The following MARVELD2 variants were observed in gnomAD, a reference collection of about 807,000 sequenced individuals.
The protein encoded by MARVELD2 is MARVEL domain-containing protein 2.
A neutral mutation model predicts 57.6 loss-of-function variants in MARVELD2; 49 were observed. The ratio of observed to expected loss-of-function variants is 0.85; its 90% confidence interval spans 0.68 to 1.08. The LOEUF (loss-of-function observed/expected upper bound fraction) is 1.08. Ranked by LOEUF, MARVELD2 falls within the 50% of genes least tolerant of loss-of-function variation. The pLI is 0.00. For missense variants in MARVELD2, 606 were observed against 701.1 expected (o/e 0.86, Z 1.53); for synonymous variants, 238 against 258.8 (o/e 0.92, Z 0.77).
intron 2 of MARVELD2, among the ~76,000 whole-genome samples, chr5:69,420,985 G>C (rs958240698): frequency 5.9e-5 from 9 of 152,056 alleles, no homozygotes; most frequent in Admixed American, 4.6e-4. Flanking sequence ...GTTGAATAAA[G>C]CCAAATAAGA....
At chr5:69,431,117 C>G in intron 3 of MARVELD2, among the ~76,000 whole-genome samples, 1 of 132,740 alleles carries the variant, frequency 7.5e-6, no homozygotes, top group Non-Finnish European at 1.6e-5. Flanking sequence ...CTTTTCTTTT[C>G]TTTTTTTTTT....
intron 5 of MARVELD2, among the ~76,000 whole-genome samples, chr5:69,436,516 A>G (rs901356003): frequency 1.3e-5 from 2 of 150,374 alleles, no homozygotes; most frequent in African/African-American, 4.9e-5. Flanking sequence ...CTCTTTGTTA[A>G]GTGTGCATTT....
chr5:69,418,584 C>T (rs28712481), intron 1 of MARVELD2, among the ~76,000 whole-genome samples: 150,276 of 152,276 alleles, frequency 0.99, 74,155 homozygotes, highest in East Asian at 1. Flanking sequence ...TGAGATTCAA[C>T]TTTTTTACAT....
intron 3 of MARVELD2, among the ~76,000 whole-genome samples, chr5:69,425,959 T>G (rs74897043): frequency 6.6e-6 from 1 of 151,708 alleles, no homozygotes; most frequent in Non-Finnish European, 1.5e-5. Flanking sequence ...GGTCAGGATG[T>G]TCTCGATCTC....
In MARVELD2 at chr5:69,443,998, C is replaced by A. The variant is rs1297911709; in HGVS notation, c.*2344C>A. On this transcript the variant is annotated 3_prime_UTR_variant, in exon 7 of 7. Coordinates refer to ENST00000325631, the MANE Select transcript of MARVELD2 (RefSeq NM_001038603.3). ...GTGTTAACATTTCACTTAAGAAGAG[C>A]ACCAGTGCTTTAAAAAAAAAAAAAG... 1.3e-4 allele frequency: 1 copy of A among 7,968 alleles called. No individual in the cohort carries two copies. The highest frequency in any genetic ancestry group is 2.0e-3 in the Non-Finnish European group (1 of 506). The allele number at this position is 7,968 out of a possible 1,614,324, so 0.5% of individuals were successfully genotyped here. A position where few individuals can be genotyped will look rare whatever the true frequency, so the allele number is the denominator to read the frequency against.
intron 5 of MARVELD2, 148 bp downstream of exon 5, chr5:69,433,241 C>A: frequency 2.6e-6 from 2 of 773,544 alleles, no homozygotes; most frequent in Non-Finnish European, 4.1e-6. Context: ...TGGCTTGCTG[C>A]AACCTCCACC....
chr5:69,438,471 A>G (rs1387319557), intron 5 of MARVELD2, among the ~76,000 whole-genome samples: 1 of 152,220 alleles, frequency 6.6e-6, no homozygotes, highest in Non-Finnish European at 1.5e-5. Context: ...AAAATAGTTC[A>G]GGCAAGGGGG....
intron 3 of MARVELD2, among the ~76,000 whole-genome samples, chr5:69,430,552 G>C (rs1248334544): frequency 6.6e-6 from 1 of 151,294 alleles, no homozygotes; most frequent in Non-Finnish European, 1.5e-5. Context: ...ATTTATTTTT[G>C]AGACGGCGTC....
chr5:69,438,906 T>G (rs1202138349), intron 5 of MARVELD2, among the ~76,000 whole-genome samples: 1 of 149,766 alleles, frequency 6.7e-6, no homozygotes, highest in Non-Finnish European at 1.5e-5. Flanking sequence ...AAAAAATAAA[T>G]ATAAATAAAA....
intron 1 of MARVELD2, among the ~76,000 whole-genome samples, chr5:69,418,161 A>C (rs184065896): frequency 1.3e-5 from 2 of 152,272 alleles, no homozygotes; most frequent in East Asian, 3.9e-4. Context: ...ATCCATTTTA[A>C]TTTTGAGACC....
At chr5:69,430,930 T>A (rs143594285) in intron 3 of MARVELD2, among the ~76,000 whole-genome samples, 1,696 of 151,824 alleles carry the variant, frequency 0.011, 35 homozygotes, top group African/African-American at 0.039. Flanking sequence ...TTTTTAATTT[T>A]TTTTTTTTAA....
chr5:69,431,408 C>T (rs559964576), intron 3 of MARVELD2, among the ~76,000 whole-genome samples: 7 of 152,232 alleles, frequency 4.6e-5, no homozygotes, highest in South Asian at 2.1e-4. Context: ...CCACCGTGCC[C>T]GGCCAACTCA....
chr5:69,415,812 G>C (rs1239234221), intron 1 of MARVELD2: 1 of 152,284 alleles, frequency 6.6e-6, no homozygotes, highest in African/African-American at 2.4e-5. Context: ...TGCCATTGCC[G>C]CGGCTTTCCA....
intron 5 of MARVELD2, among the ~76,000 whole-genome samples, chr5:69,434,388 G>A (rs1432634287): frequency 5.9e-5 from 9 of 151,954 alleles, no homozygotes. Context: ...GAACCCAGGA[G>A]GTGGAGTTTG....
In MARVELD2 at chr5:69,440,432, A is replaced by G; in HGVS notation, c.1504-18A>G. 8.3e-7 allele frequency: 1 copy of G among 1,206,112 alleles called. No individual in the cohort carries two copies. The highest frequency in any genetic ancestry group is 1.2e-6 in the Non-Finnish European group (1 of 814,260). 74.7% of individuals were successfully genotyped at this position (1,206,112 alleles called of 1,614,324 possible). On this transcript the variant is annotated intron_variant, in intron 5 of 6. Coordinates refer to ENST00000325631, the MANE Select transcript of MARVELD2 (RefSeq NM_001038603.3). ...AATGCAAATGTTTTAACTTAAGTAT[A>G]CAATGTATTATTTTTAGGAACATGA... is the stretch of plus-strand genomic sequence containing the variant.
intron 3 of MARVELD2, among the ~76,000 whole-genome samples, chr5:69,427,981 G>A (rs987879977): frequency 8.6e-5 from 13 of 152,018 alleles, no homozygotes; most frequent in African/African-American, 2.9e-4. Flanking sequence ...GCATGGTGGT[G>A]CATGCCTGTA....
Position 69,441,219 on chromosome 5 carries a change from C to T in MARVELD2, c.1555-313C>T, listed in dbSNP as rs576365891. On this transcript the variant is annotated intron_variant, in intron 6 of 6. Transcript: ENST00000325631. ...CTGGCCTCAAATACCTGGGCTCAAG[C>T]AATCCTTCCACCTCAGCCTCCTGAG... Among the ~76,000 whole-genome samples the T allele has an allele frequency of 2.0e-5, 3 of 152,174 alleles. No individual in the cohort carries two copies. In the East Asian group the frequency reaches 5.8e-4, roughly 29 times the overall value.
intron 3 of MARVELD2, among the ~76,000 whole-genome samples, chr5:69,425,816 C>T (rs1044499532): frequency 6.6e-6 from 1 of 151,568 alleles, no homozygotes; most frequent in Non-Finnish European, 1.5e-5. Flanking sequence ...GCAAGCTCCG[C>T]CTCCCAGGTT....
At chr5:69,431,830 C>CTTTTTTTTTTTTTT (rs904263527) in intron 3 of MARVELD2, among the ~76,000 whole-genome samples, 1 of 97,852 alleles carries the variant, frequency 1.0e-5, no homozygotes, top group African/African-American at 4.2e-5. Context: ...TCTTCTTCTT[C>CTTTTTTTTTTTTTT]TTTTTTTTTT....
Sources: gnomAD v4.1 joint callset for allele counts (sites outside exome capture counted in the v4.1 genomes callset) on GRCh38, gnomAD v4.1.1 for gene constraint, MANE v1.5 for transcripts, NCBI Gene and HGNC (gene_info 2026-07-23, HGNC 2026-07-21) for gene names.